The following TTC27 variants were observed in gnomAD, a reference collection of about 807,000 sequenced individuals.
TTC27 encodes tetratricopeptide repeat protein 27.
Under a neutral mutation model 115.9 loss-of-function variants are expected in TTC27, and 79 were observed. The ratio of observed to expected loss-of-function variants is 0.68; its 90% CI spans 0.57 to 0.82. TTC27 has a LOEUF of 0.82. Among genes scored for constraint, TTC27 ranks in the 40% least tolerant of loss-of-function variants. The pLI, the probability that TTC27 is intolerant of heterozygous loss-of-function variation, is 0.00. For missense variants in TTC27, 1,054 were observed against 993.1 expected (o/e 1.06, Z -0.82); for synonymous variants, 401 against 356.0 (o/e 1.13, Z -1.42).
At position 32,672,293 on chromosome 2, in the gene TTC27, A is replaced by G; in HGVS notation, c.961A>G (p.Thr321Ala). Residue 321 changes from threonine (T) to alanine (A), a missense_variant, in exon 8 of 20, where the codon ACC (threonine) becomes GCC (alanine). Coordinates refer to ENST00000317907, the MANE Select transcript of TTC27 (RefSeq NM_017735.5). ...LTKNLELNDDTILNDIKLADC... is the reference protein window; with the variant it reads ...LTKNLELNDDAILNDIKLADC... ...CTAGAATCTTGAGCTCAATGATGACACCATTCTGAATGACATAAAGTTAGC... is the reference window on the plus strand; with the variant it reads ...CTAGAATCTTGAGCTCAATGATGACGCCATTCTGAATGACATAAAGTTAGC... 2.5e-6 allele frequency: 4 copies of G among 1,613,722 alleles called. No individual in the cohort carries two copies. In the Admixed American group the frequency reaches 6.7e-5, roughly 27 times the overall value.
intron 12 of TTC27, among the ~76,000 whole-genome samples, chr2:32,757,388 CCAGAGGGCCA>C (rs895068873): frequency 6.6e-6 from 1 of 152,190 alleles, no homozygotes; most frequent in African/African-American, 2.4e-5. Context: ...CTTGAGGACC[CCAGAGGGCCA>C]GTGAAGCAGT....
At chr2:32,820,199 T>C (rs545780332) in intron 19 of TTC27, among the ~76,000 whole-genome samples, 2 of 152,238 alleles carry the variant, frequency 1.3e-5, no homozygotes, top group African/African-American at 4.8e-5. Flanking sequence ...AATCCTGAAG[T>C]TGATTTTCTT....
At position 32,812,585 on chromosome 2, in the gene TTC27, G is replaced by C; in HGVS notation, c.2278G>C (p.Val760Leu). The C allele has an allele frequency of 6.2e-7, 1 of 1,613,962 alleles. No individual in the cohort carries two copies. Among genetic ancestry groups the C allele is most frequent in the Non-Finnish European group, 8.5e-7 (1 of 1,179,846 alleles). Residue 760 changes from valine to leucine, a missense_variant, in exon 18 of 20, where the codon GTT (valine) becomes CTT (leucine). By Grantham distance (32) the Val-to-Leu change is conservative (BLOSUM62 1). Coordinates refer to ENST00000317907, the MANE Select transcript of TTC27 (RefSeq NM_017735.5). ...GAAAGATATTACATCATTTAAGGAA[G>C]TTGTTCAAAGAGCCTTAGGACTTGC... is the stretch of plus-strand genomic sequence containing the variant. ...WEKDITSFKE[V>L]VQRALGLAHV...
At chr2:32,734,361 A>G (rs571422359) in intron 11 of TTC27, among the ~76,000 whole-genome samples, 8 of 152,294 alleles carry the variant, frequency 5.3e-5, no homozygotes, top group Non-Finnish European at 1.2e-4. Context: ...GATGTGCACT[A>G]CCATGCCTGG....
chr2:32,762,724 C>T (rs1283891219), intron 13 of TTC27, among the ~76,000 whole-genome samples: 1 of 152,054 alleles, frequency 6.6e-6, no homozygotes, highest in African/African-American at 2.4e-5. Context: ...TCACTGCAAT[C>T]TCTGCTTCCC....
intron 13 of TTC27, among the ~76,000 whole-genome samples, chr2:32,776,520 C>A (rs1670001930): frequency 1.3e-5 from 2 of 152,154 alleles, no homozygotes; most frequent in Non-Finnish European, 2.9e-5. Flanking sequence ...ATAAAGTTGC[C>A]TTTGCTGACT....
chr2:32,697,341 A>G (rs771704142), intron 9 of TTC27, among the ~76,000 whole-genome samples: 2 of 152,174 alleles, frequency 1.3e-5, no homozygotes, highest in Non-Finnish European at 2.9e-5. Context: ...TAACCTCTCA[A>G]TATGTAAGAC....
chr2:32,751,026 C>T (rs2147983955), intron 12 of TTC27, among the ~76,000 whole-genome samples: 1 of 152,242 alleles, frequency 6.6e-6, no homozygotes, highest in African/African-American at 2.4e-5. Context: ...AAGCATACTT[C>T]TCTCTGTGCT....
At chr2:32,809,253 A>G (rs1425090876) in intron 16 of TTC27, among the ~76,000 whole-genome samples, 1 of 152,224 alleles carries the variant, frequency 6.6e-6, no homozygotes, top group East Asian at 1.9e-4. Flanking sequence ...TCTCTCAGCT[A>G]CGCTTTCTGA....
intron 15 of TTC27, among the ~76,000 whole-genome samples, chr2:32,784,236 G>T (rs7580692): frequency 0.12 from 18,046 of 152,168 alleles, 1,231 homozygotes; most frequent in Middle Eastern, 0.24. Context: ...TCTCTTAGGG[G>T]TTCTTGCATA....
At chr2:32,756,634 A>G (rs540251324) in intron 12 of TTC27, among the ~76,000 whole-genome samples, 11 of 152,364 alleles carry the variant, frequency 7.2e-5, no homozygotes, top group Middle Eastern at 6.8e-3. Context: ...TAAGGAGTAT[A>G]GATATGCCCA....
At chr2:32,788,755 A>G (rs3769570) in intron 16 of TTC27, among the ~76,000 whole-genome samples, 71,578 of 151,890 alleles carry the variant, frequency 0.47, 17,686 homozygotes, top group African/African-American at 0.61. Context: ...GCACCAATAG[A>G]AGTTGTTTTA....
chr2:32,631,898 C>T (rs1315502990), intron 2 of TTC27, among the ~76,000 whole-genome samples: 1 of 151,468 alleles, frequency 6.6e-6, no homozygotes, highest in Non-Finnish European at 1.5e-5. Context: ...GCAACCTCCG[C>T]CTCCCAAGTT....
At chr2:32,682,812 G>T (rs1219603326) in intron 9 of TTC27, among the ~76,000 whole-genome samples, 3 of 146,236 alleles carry the variant, frequency 2.1e-5, no homozygotes. Flanking sequence ...GGGACTACAG[G>T]CATGGGCCAC....
At chr2:32,715,999 C>T (rs1667742528) in intron 10 of TTC27, among the ~76,000 whole-genome samples, 1 of 145,996 alleles carries the variant, frequency 6.8e-6, no homozygotes, top group Non-Finnish European at 1.5e-5. Flanking sequence ...AATGATACTG[C>T]TCATTATAAA....
At position 32,666,630 on chromosome 2, in the gene TTC27, T is replaced by C. The variant is rs563959798; in HGVS notation, c.806-5T>C. 1.4e-5 allele frequency: 22 copies of C among 1,613,856 alleles called. No homozygotes were observed. In the African/African-American group the frequency reaches 2.9e-4, roughly 22 times the overall value. On this transcript the variant is annotated splice_polypyrimidine_tract_variant and splice_region_variant and intron_variant, in intron 6 of 19. Coordinates refer to ENST00000317907, the MANE Select transcript of TTC27 (RefSeq NM_017735.5). ...TCAGTAGATATAATTTTATTGTTTT[T>C]TCAGGTGCTTTGGGAAAAAGAACAC...
rs1665885685 is a variant in TTC27 at position 32,668,577 on chromosome 2, C to CCTTT, written c.939+1812_939+1813insTCTT. 2.5e-5 allele frequency among the ~76,000 whole-genome samples: 3 copies of CCTTT among 120,306 alleles called. 1 individual carries two copies. The South Asian group carries it at 1.1e-3, about 43-fold the overall frequency. 78.9% of individuals were successfully genotyped at this position (120,306 alleles called of 152,430 possible). On this transcript the variant is annotated intron_variant, in intron 7 of 19. Transcript: ENST00000317907. ...CCCTCCCTCCCTTCCTTCCTTCCTT[C>CCTTT]CTTCCTTCCTTCCTTCCATTTTTAA...
At position 32,736,791 on chromosome 2, in the gene TTC27, A is replaced by G. The variant is rs2273660; in HGVS notation, c.1427A>G (p.Tyr476Cys). The G allele has an allele frequency of 0.12, 186,062 of 1,613,688 alleles. 11,229 individuals are homozygous for G. Among genetic ancestry groups the G allele is most frequent in the African/African-American group, 0.18 (13,344 of 74,984 alleles). The change falls in exon 12 of 20, where the codon TAT becomes TGT. Residue 476 changes from tyrosine to cysteine, a missense_variant. Physicochemically the swap from Tyr to Cys is radical, Grantham distance 194. Transcript: ENST00000317907. Reference sequence around the variant, plus strand: ...ATGTGGGAAGATGTTGTCATTTGTTATGAAAGAGCCGGGCAGCACGGAAAG... The same window carrying G: ...ATGTGGGAAGATGTTGTCATTTGTTGTGAAAGAGCCGGGCAGCACGGAAAG... ...LEMWEDVVIC[Y>C]ERAGQHGKAE...
chr2:32,752,874 G>A (rs1669065070), intron 12 of TTC27, among the ~76,000 whole-genome samples: 1 of 152,150 alleles, frequency 6.6e-6, no homozygotes, highest in African/African-American at 2.4e-5. Context: ...CCAGGATGAA[G>A]TAACTGTTAC....
Sources: gnomAD v4.1 joint callset for allele counts (sites outside exome capture counted in the v4.1 genomes callset) on GRCh38, gnomAD v4.1.1 for gene constraint, MANE v1.5 for transcripts, NCBI Gene and HGNC (gene_info 2026-07-23, HGNC 2026-07-21) for gene names.